TOX2: variants seen among roughly 807,000 people sequenced by gnomAD.
The protein encoded by TOX2 is TOX high mobility group box family member 2.
TOX2 carries 15 observed loss-of-function variants against 47.4 expected under a neutral mutation model. That is an observed-to-expected ratio of 0.32 (90% confidence interval 0.21 to 0.49). The LOEUF (loss-of-function observed/expected upper bound fraction) is 0.49, where lower values mean the gene tolerates loss of function less well. TOX2 is among the 20% of genes least tolerant of loss of function. The pLI is 0.99. For synonymous variants in TOX2, 290 were observed against 296.6 expected (o/e 0.98, Z 0.23); for missense variants, 622 against 673.1 (o/e 0.92, Z 0.84).
chr20:44,005,402 C>T (rs2145597240), intron 2 of TOX2, among the ~76,000 whole-genome samples: 1 of 152,260 alleles, frequency 6.6e-6, no homozygotes, highest in African/African-American at 2.4e-5. Flanking sequence ...TAATCTGTTC[C>T]AGAGTGTAGA....
chr20:43,981,895 G>GCCGA (rs2070175256), intron 2 of TOX2, among the ~76,000 whole-genome samples: 1 of 152,044 alleles, frequency 6.6e-6, no homozygotes, highest in Non-Finnish European at 1.5e-5. Context: ...AAGGGCCAGG[G>GCCGA]CCGAGCTCAA....
chr20:43,981,265 T>G (rs2070164594), intron 2 of TOX2, among the ~76,000 whole-genome samples: 1 of 152,202 alleles, frequency 6.6e-6, no homozygotes. Context: ...ACATTGACCT[T>G]TAACCCAGCA....
intron 3 of TOX2, among the ~76,000 whole-genome samples, chr20:44,026,912 G>C (rs1051027932): frequency 6.6e-6 from 1 of 152,072 alleles, no homozygotes; most frequent in Non-Finnish European, 1.5e-5. Context: ...TTTTCCTGCC[G>C]CCTCCTCCCC....
chr20:43,979,799 G>C, intron 2 of TOX2, among the ~76,000 whole-genome samples: 1 of 152,196 alleles, frequency 6.6e-6, no homozygotes, highest in Non-Finnish European at 1.5e-5. Context: ...CTGACAATCA[G>C]AGAAATGCAA....
intron 1 of TOX2, among the ~76,000 whole-genome samples, chr20:43,938,145 T>C (rs1311592793): frequency 6.6e-6 from 1 of 152,100 alleles, no homozygotes; most frequent in Non-Finnish European, 1.5e-5. Flanking sequence ...AAGCAAACTC[T>C]CCTCTTACCA....
chr20:43,987,598 G>A (rs1451592503), intron 2 of TOX2, among the ~76,000 whole-genome samples: 1 of 152,224 alleles, frequency 6.6e-6, no homozygotes, highest in Non-Finnish European at 1.5e-5. Flanking sequence ...GACAGGGCAG[G>A]CAGGGAAGGG....
At chr20:44,003,085 C>T (rs918690568) in intron 2 of TOX2, among the ~76,000 whole-genome samples, 2 of 151,828 alleles carry the variant, frequency 1.3e-5, no homozygotes, top group African/African-American at 2.4e-5. Context: ...CTGCCTCCTG[C>T]GTGATAGGGA....
At chr20:43,986,921 A>G (rs2070277904) in intron 2 of TOX2, among the ~76,000 whole-genome samples, 1 of 152,058 alleles carries the variant, frequency 6.6e-6, no homozygotes, top group Admixed American at 6.6e-5. Context: ...ATAATTAGCC[A>G]GGTGTGCTGG....
intron 1 of TOX2, among the ~76,000 whole-genome samples, chr20:43,923,798 G>A (rs749400073): frequency 2.0e-5 from 3 of 152,300 alleles, no homozygotes; most frequent in East Asian, 1.9e-4. Flanking sequence ...AGTTCTCTGC[G>A]GTGAGGTGGG....
chr20:43,962,248 G>C (rs1012480124), intron 1 of TOX2, among the ~76,000 whole-genome samples: 1 of 152,226 alleles, frequency 6.6e-6, no homozygotes, highest in Non-Finnish European at 1.5e-5. Context: ...ATGTTAGGGG[G>C]CTGCCCTGCC....
intron 1 of TOX2, among the ~76,000 whole-genome samples, chr20:43,927,807 C>T (rs1442615682): frequency 1.5e-5 from 2 of 137,530 alleles, no homozygotes; most frequent in Non-Finnish European, 3.1e-5. Flanking sequence ...ATCCCTCCTT[C>T]ATACAGCCAT....
chr20:43,976,823 C>T (rs1185689475), intron 2 of TOX2, among the ~76,000 whole-genome samples: 1 of 152,052 alleles, frequency 6.6e-6, no homozygotes, highest in African/African-American at 2.4e-5. Flanking sequence ...TACACGTGAA[C>T]ACCCTCTCAC....
At chr20:44,017,993 A>T (rs2070909361) in intron 3 of TOX2, among the ~76,000 whole-genome samples, 1 of 152,186 alleles carries the variant, frequency 6.6e-6, no homozygotes. Context: ...CATATTCATA[A>T]ATAATCTCAA....
chr20:43,993,973 C>G (rs896415382), intron 2 of TOX2, among the ~76,000 whole-genome samples: 1 of 151,788 alleles, frequency 6.6e-6, no homozygotes, highest in African/African-American at 2.4e-5. Context: ...GGCAATATAG[C>G]AAGACCCGGT....
At chr20:44,065,652 G>A in intron 6 of TOX2, 60 bp from the exon 7 acceptor site, 1 of 1,524,626 alleles carries the variant, frequency 6.6e-7, no homozygotes, top group Middle Eastern at 1.8e-4. Flanking sequence ...TGGCCTCACA[G>A]CCCATGTTCT....
At chr20:44,068,154 CTGTCCCT>C (rs2071867053) in intron 8 of TOX2, among the ~76,000 whole-genome samples, 1 of 152,120 alleles carries the variant, frequency 6.6e-6, no homozygotes, top group Non-Finnish European at 1.5e-5. Flanking sequence ...CAGCCCTTTC[CTGTCCCT>C]AAGTTTCCTT....
In TOX2 at chr20:43,927,529, G is replaced by A. The variant is rs185440000; in HGVS notation, c.99+12539G>A. Among the ~76,000 whole-genome samples the A allele has an allele frequency of 1.4e-3, 209 of 144,176 alleles. 21 individuals are homozygous for A. Among genetic ancestry groups the A allele is most frequent in the African/African-American group, 5.4e-3 (199 of 36,662 alleles). The allele number at this position is 144,176 out of a possible 152,430, so 94.6% of individuals were successfully genotyped here. ...CACACACATCATGAGATATGCTTTGGAGTCATACTGGCCTGGGATCAAATC... is the reference window on the plus strand; with the variant it reads ...CACACACATCATGAGATATGCTTTGAAGTCATACTGGCCTGGGATCAAATC... On this transcript the variant is annotated intron_variant, in intron 1 of 8. Coordinates refer to ENST00000341197, the MANE Select transcript of TOX2 (RefSeq NM_001098797.2).
chr20:43,945,452 A>G (rs984403658), intron 1 of TOX2, among the ~76,000 whole-genome samples: 1 of 152,236 alleles, frequency 6.6e-6, no homozygotes, highest in Non-Finnish European at 1.5e-5. Flanking sequence ...TTGGGCATGC[A>G]TCCATGCACT....
At chr20:43,970,410 GC>G (rs2069944273) in intron 1 of TOX2, among the ~76,000 whole-genome samples, 1 of 152,170 alleles carries the variant, frequency 6.6e-6, no homozygotes, top group South Asian at 2.1e-4. Context: ...GCAGATGTTG[GC>G]CCCTGCCTTG....
Sources: allele counts gnomAD v4.1 joint callset (sites outside exome capture counted in the v4.1 genomes callset), GRCh38; gene constraint gnomAD v4.1.1; transcripts MANE v1.5; gene names NCBI Gene and HGNC (gene_info 2026-07-23, HGNC 2026-07-21).